NGLY1: variants seen among roughly 807,000 people sequenced by gnomAD.
NGLY1 encodes peptide-N(4)-(N-acetyl-beta-glucosaminyl)asparagine amidase.
NGLY1 carries 68 observed loss-of-function variants against 84.6 expected under a neutral mutation model. The observed-to-expected ratio is 0.80, with a 90% CI of 0.66 to 0.98. The LOEUF is 0.98. NGLY1 is among the 50% of genes least tolerant of loss of function. NGLY1 has a pLI of 0.00. For synonymous variants in NGLY1, 280 were observed against 275.2 expected (o/e 1.02, Z -0.17); for missense variants, 779 against 770.2 (o/e 1.01, Z -0.14).
chr3:25,719,618 A>G lies in NGLY1; in HGVS notation c.1807T>C (p.Tyr603His). 6.2e-7 allele frequency: 1 copy of G among 1,613,654 alleles called. No homozygotes were observed. The highest frequency in any genetic ancestry group is 8.5e-7 in the Non-Finnish European group (1 of 1,179,730). The change falls in exon 12 of 12, where the codon TAT becomes CAT. Residue 603 changes from tyrosine (Y) to histidine (H), a missense_variant. Physicochemically the swap from Tyr to His is moderately conservative, Grantham distance 83. Coordinates refer to ENST00000280700, the MANE Select transcript of NGLY1 (RefSeq NM_018297.4). ...TCAGTGGCACCAGAAAAATCAGCATAGGAGTGAAGACTGTTATCTGTTAGA... is the reference window on the plus strand; with the variant it reads ...TCAGTGGCACCAGAAAAATCAGCATGGGAGTGAAGACTGTTATCTGTTAGA... The part of the protein sequence containing the change: ...ELTGDNSLHS[Y>H]ADFSGATEVI...
At position 25,747,963 on chromosome 3, in the gene NGLY1, C is replaced by T. The variant is rs1273189325; in HGVS notation, c.658+3135G>A. The stretch of plus-strand genomic sequence containing the variant: ...CCACCAGGTTTTCACAATGAAGAAC[C>T]AAGAAAAATCCTTTGTGGCTCTAGA... On this transcript the variant is annotated intron_variant, in intron 4 of 11. Transcript: ENST00000280700. Among the ~76,000 whole-genome samples the T allele has an allele frequency of 2.6e-5, 4 of 152,174 alleles. No homozygotes were observed. In the South Asian group the frequency reaches 6.2e-4, roughly 24 times the overall value.
rs1176823602 is a variant in NGLY1, at chr3:25,732,346, T to A, written c.1398A>T (p.Arg466Ser). 1.5e-5 allele frequency: 24 copies of A among 1,613,498 alleles called. No homozygotes were observed. Among genetic ancestry groups the A allele is most frequent in the Non-Finnish European group, 1.9e-5 (22 of 1,179,672 alleles). ...GGRISGSVAW[R>S]VARGEMGLQR... Reference sequence around the variant, plus strand: ...GTAGACCCATTTCACCTCGGGCTACTCTCCAAGCCACTGACCCAGATATTC... The same window carrying A: ...GTAGACCCATTTCACCTCGGGCTACACTCCAAGCCACTGACCCAGATATTC... The change falls in exon 9 of 12, where the codon AGA becomes AGT. Residue 466 changes from arginine (R) to serine (S), a missense_variant. Arg to Ser is a moderately radical substitution (Grantham distance 110). Transcript: ENST00000280700.
At chr3:25,754,680 A>G (rs1051546576) in intron 3 of NGLY1, among the ~76,000 whole-genome samples, 2 of 152,034 alleles carry the variant, frequency 1.3e-5, no homozygotes, top group Non-Finnish European at 2.9e-5. Context: ...AAAAAAAGCA[A>G]ATGGATATGA....
intron 1 of NGLY1, among the ~76,000 whole-genome samples, chr3:25,779,902 T>G (rs1490686909): frequency 3.3e-5 from 5 of 152,196 alleles, no homozygotes; most frequent in African/African-American, 1.2e-4. Context: ...GTCCACAGAT[T>G]GGTGCTAATC....
At chr3:25,720,908 C>A (rs997475984) in intron 10 of NGLY1, among the ~76,000 whole-genome samples, 1 of 152,120 alleles carries the variant, frequency 6.6e-6, no homozygotes, top group Non-Finnish European at 1.5e-5. Flanking sequence ...AAGACTCTGA[C>A]GCTTCAGTCG....
chr3:25,742,805 G>A (rs754438132), intron 4 of NGLY1, among the ~76,000 whole-genome samples: 12 of 143,458 alleles, frequency 8.4e-5, no homozygotes, highest in Middle Eastern at 7.4e-3. Flanking sequence ...CTGGCTCCCC[G>A]TCGTAGGCTA....
At chr3:25,739,419 A>G (rs1397252008) in intron 5 of NGLY1, among the ~76,000 whole-genome samples, 158 bp downstream of exon 5, 1 of 152,160 alleles carries the variant, frequency 6.6e-6, no homozygotes, top group Non-Finnish European at 1.5e-5. Flanking sequence ...CAAAAACAGG[A>G]TGTCGGCTGG....
Position 25,733,933 on chromosome 3 carries a change from G to C in NGLY1, c.1199C>G (p.Ala400Gly). The C allele has an allele frequency of 1.2e-6, 2 of 1,613,516 alleles. No individual in the cohort carries two copies. Among genetic ancestry groups the C allele is most frequent in the South Asian group, 2.2e-5 (2 of 91,012 alleles). Residue 400 changes from alanine (A) to glycine (G), a missense_variant, in exon 8 of 12, where the codon GCC becomes GGC. Transcript: ENST00000280700. ...TGCTTCTTTAACCTTAGTTCTTCTGGCAATCACCTCTTCATGTTTGCAGGA... is the reference window on the plus strand; with the variant it reads ...TGCTTCTTTAACCTTAGTTCTTCTGCCAATCACCTCTTCATGTTTGCAGGA... ...RYSCKHEEVI[A>G]RRTKVKEALL...
Position 25,733,873 on chromosome 3 carries a change from T to G in NGLY1, c.1259A>C (p.Gln420Pro), listed in dbSNP as rs113482989. ...TCAAAAAAGATAGCCACACCATACC[T>G]GCTTATTAAGCCCATTAATAGTGTC... is the stretch of plus-strand genomic sequence containing the variant. Reference protein sequence around the residue: ...LRDTINGLNKQRQLFLSENRR... With the variant: ...LRDTINGLNKPRQLFLSENRR... Residue 420 changes from glutamine (Q) to proline (P), a missense_variant and splice_region_variant, in exon 8 of 12, where the codon CAG becomes CCG. By Grantham distance (76) the Gln-to-Pro change is moderately conservative (BLOSUM62 -1). Coordinates refer to ENST00000280700, the MANE Select transcript of NGLY1 (RefSeq NM_018297.4). 1 of 1,609,292 alleles carries G rather than the reference T, an allele frequency of 6.2e-7. No homozygotes were observed. Among genetic ancestry groups the G allele is most frequent in the Non-Finnish European group, 8.5e-7 (1 of 1,176,952 alleles).
At chr3:25,765,753 C>T (rs956946712) in intron 2 of NGLY1, among the ~76,000 whole-genome samples, 25 of 152,184 alleles carry the variant, frequency 1.6e-4, no homozygotes, top group African/African-American at 5.8e-4. Context: ...ATTTTTTTCT[C>T]TGAGGCAGGG....
At chr3:25,777,208 C>A (rs1179423740) in intron 2 of NGLY1, among the ~76,000 whole-genome samples, 1 of 152,158 alleles carries the variant, frequency 6.6e-6, no homozygotes, top group African/African-American at 2.4e-5. Context: ...CCAACCTGAC[C>A]AACATGGAGA....
chr3:25,783,448 A>G, upstream of NGLY1: 1 of 1,433,352 alleles, frequency 7.0e-7, no homozygotes, highest in Admixed American at 3.4e-5. The surrounding 1 kb of genome is among the most constrained non-coding windows in gnomAD (Gnocchi z 4.5). Context: ...CACACTGAGC[A>G]GGCGCCTCAG....
At chr3:25,765,343 C>T (rs540157099) in intron 2 of NGLY1, among the ~76,000 whole-genome samples, 1 of 151,986 alleles carries the variant, frequency 6.6e-6, no homozygotes, top group Admixed American at 6.6e-5. Context: ...GCCTGTAATC[C>T]CAGCTACTTG....
chr3:25,734,111 G>T, intron 7 of NGLY1, 129 bp from the exon 8 acceptor site: 1 of 1,314,580 alleles, frequency 7.6e-7, no homozygotes. Flanking sequence ...CTGTTGTCCA[G>T]GCTAGAGTGC....
At chr3:25,754,987 G>A in intron 3 of NGLY1, 1 of 806,942 alleles carries the variant, frequency 1.2e-6, no homozygotes, top group Admixed American at 1.7e-5. Flanking sequence ...TGATGGCACA[G>A]ATCTCGAAGG....
At chr3:25,790,022 A>T in exon 1 of NGLY1, 4 of 895,824 alleles carry the variant, frequency 4.5e-6, no homozygotes, top group South Asian at 2.9e-5. Context: ...GTCGAACGGG[A>T]CGCGTGCGTG....
chr3:25,783,402 A>T lies in NGLY1; in HGVS notation c.-12T>A. 5 of 1,524,558 alleles carry T rather than the reference A, an allele frequency of 3.3e-6. No individual in the cohort carries two copies. Among genetic ancestry groups the T allele is most frequent in the Non-Finnish European group, 4.4e-6 (5 of 1,137,244 alleles). 94.4% of individuals were successfully genotyped at this position (1,524,558 alleles called of 1,614,324 possible). On this transcript the variant is annotated 5_prime_UTR_variant, in exon 1 of 12. Transcript: ENST00000280700. This position sits in a 1 kb window ranked among gnomAD's most constrained non-coding sequence, Gnocchi z 4.5. ...GCCGCCGCCGCCATGCTTGAGCGCC[A>T]GCGGGCGCCGCCGCCGCCCCTCGCT...
At chr3:25,780,985 T>A (rs1225366975) in intron 1 of NGLY1, among the ~76,000 whole-genome samples, 1 of 152,144 alleles carries the variant, frequency 6.6e-6, no homozygotes, top group Non-Finnish European at 1.5e-5. Flanking sequence ...ATTTTTTTTT[T>A]CTTTTTTGAG....
At position 25,734,687 on chromosome 3, in the gene NGLY1, G is replaced by A. The variant is rs936751666; in HGVS notation, c.1150-705C>T. 9 of 670,296 alleles carry A rather than the reference G, an allele frequency of 1.3e-5. No individual in the cohort carries two copies. The South Asian group carries it at 6.0e-4, about 44-fold the overall frequency. 41.5% of individuals were successfully genotyped at this position (670,296 alleles called of 1,614,324 possible). Reference sequence around the variant, plus strand: ...GGATCATGCAACTGCACTCCAGCCTGGGCAAGAGGGTGAGACTGTCTCGAA... The same window carrying A: ...GGATCATGCAACTGCACTCCAGCCTAGGCAAGAGGGTGAGACTGTCTCGAA... On this transcript the variant is annotated intron_variant, in intron 7 of 11. Transcript: ENST00000280700.
Sources: allele counts gnomAD v4.1 joint callset (sites outside exome capture counted in the v4.1 genomes callset), GRCh38; gene constraint gnomAD v4.1.1; non-coding constraint Gnocchi (gnomAD v3.1); transcripts MANE v1.5; gene names NCBI Gene and HGNC (gene_info 2026-07-23, HGNC 2026-07-21).